DOCK11: variants seen among roughly 807,000 people sequenced by gnomAD.
The protein encoded by DOCK11 is dedicator of cytokinesis protein 11.
DOCK11 carries 70 observed loss-of-function variants against 169.1 expected under a neutral mutation model. The observed-to-expected ratio is 0.41, with a 90% CI of 0.34 to 0.51. The LOEUF (loss-of-function observed/expected upper bound fraction) is 0.51, where lower values mean the gene tolerates loss of function less well. Ranked by LOEUF, DOCK11 falls within the 20% of genes least tolerant of loss-of-function variation. The pLI is 0.10. For missense variants in DOCK11, 1,166 were observed against 1,538.8 expected, an observed-to-expected ratio of 0.76 and a Z score of 4.05; for synonymous variants, 529 against 541.3, an observed-to-expected ratio of 0.98 and a Z score of 0.32.
chrX:118,635,982 C>T (rs905226200), intron 35 of DOCK11, among the ~76,000 whole-genome samples: 1 of 111,363 alleles, frequency 9.0e-6, no homozygotes, highest in Non-Finnish European at 1.9e-5. Flanking sequence ...ATAAACACAC[C>T]ATCTGGCATA....
At position 118,584,813 on chromosome X, in the gene DOCK11, G is replaced by A; in HGVS notation, c.1674G>A (p.Lys558=). 3 of 1,203,243 alleles carry A rather than the reference G, an allele frequency of 2.5e-6. No homozygotes were observed. Among genetic ancestry groups the A allele is most frequent in the African/African-American group, 1.7e-5 (1 of 57,542 alleles). ...CTCTGTATAAACAAGACAGTAGCAA[G>A]CTTTCAAGTGAAGACATTCTCAAGT... is the stretch of plus-strand genomic sequence containing the variant. The part of the protein sequence containing the change: ...FSPLYKQDSS[K]LSSEDILKLL... The change falls in exon 15 of 53, where the codon AAG becomes AAA. Residue 558 remains lysine, a synonymous_variant. Coordinates refer to ENST00000276202, the MANE Select transcript of DOCK11 (RefSeq NM_144658.4).
At chrX:118,513,887 C>T (rs2057665951) in intron 1 of DOCK11, among the ~76,000 whole-genome samples, 2 of 111,440 alleles carry the variant, frequency 1.8e-5, no homozygotes, top group Non-Finnish European at 3.8e-5. Context: ...AGCATCATTC[C>T]AGTTGTTACC....
At chrX:118,660,705 C>T (rs1603173975) in intron 44 of DOCK11, among the ~76,000 whole-genome samples, 1 of 109,735 alleles carries the variant, frequency 9.1e-6, no homozygotes, top group African/African-American at 3.3e-5. Flanking sequence ...CTCCTGACCT[C>T]GTGATCTGCC....
chrX:118,557,974 AC>A (rs1291663735), intron 6 of DOCK11, among the ~76,000 whole-genome samples: 1 of 96,735 alleles, frequency 1.0e-5, no homozygotes, highest in Non-Finnish European at 2.1e-5. Flanking sequence ...GCCTGTGTGA[AC>A]CTTTTTTTTT....
intron 12 of DOCK11, among the ~76,000 whole-genome samples, chrX:118,576,549 G>A (rs767650073): frequency 8.9e-6 from 1 of 111,862 alleles, no homozygotes; most frequent in East Asian, 2.8e-4. Flanking sequence ...AAGTGGAGGT[G>A]GTGACAGTAC....
chrX:118,685,547 T>C (rs987813089), intron 52 of DOCK11, 141 bp from the exon 53 acceptor site: 1 of 772,542 alleles, frequency 1.3e-6, no homozygotes, highest in African/African-American at 2.1e-5. Context: ...GGTAATGTTA[T>C]TCTTTGCTCT....
intron 45 of DOCK11, among the ~76,000 whole-genome samples, chrX:118,669,381 T>C (rs746287653): frequency 7.2e-5 from 8 of 111,823 alleles, no homozygotes; most frequent in Non-Finnish European, 1.3e-4. Flanking sequence ...AGAGACTGGG[T>C]AGGTTATAAA....
intron 1 of DOCK11, among the ~76,000 whole-genome samples, chrX:118,512,189 C>T (rs1183028683): frequency 8.9e-6 from 1 of 112,275 alleles, no homozygotes; most frequent in Admixed American, 9.5e-5. Flanking sequence ...GCGTGAGCCA[C>T]CATGCCCTGC....
chrX:118,614,870 T>C, intron 29 of DOCK11, 95 bp downstream of exon 29: 1 of 667,175 alleles, frequency 1.5e-6, no homozygotes. Context: ...GGAACTGTTG[T>C]TTTTATTTAG....
At position 118,546,210 on chromosome X, in the gene DOCK11, C is replaced by CAA. The variant is rs1556269491; in HGVS notation, c.558+114_558+115dup. 51 of 49,285 alleles carry CAA rather than the reference C, an allele frequency of 1.0e-3. 1 individual carries two copies. The highest frequency in any genetic ancestry group is 3.5e-3 in the African/African-American group (40 of 11,407). 4.1% of individuals were successfully genotyped at this position (49,285 alleles called of 1,213,427 possible). On this transcript the variant is annotated intron_variant, in intron 6 of 52. Transcript: ENST00000276202. ...ATATTTATTTTACAAAGAGCCCTAGCAAAAAAAAAAAAAAAAAAAAAGGAG... is the reference window on the plus strand; with the variant it reads ...ATATTTATTTTACAAAGAGCCCTAGCAAAAAAAAAAAAAAAAAAAAAAAGGAG...
intron 37 of DOCK11, among the ~76,000 whole-genome samples, 186 bp downstream of exon 37, chrX:118,638,313 G>A (rs2015444105): frequency 8.9e-6 from 1 of 112,060 alleles, no homozygotes; most frequent in Non-Finnish European, 1.9e-5. Context: ...GCTTCCCAAG[G>A]AGTGATGATT....
intron 44 of DOCK11, among the ~76,000 whole-genome samples, chrX:118,660,946 G>A (rs138040854): frequency 1.6e-3 from 174 of 110,287 alleles, no homozygotes; most frequent in African/African-American, 4.9e-3. Flanking sequence ...AGTGGCTCAC[G>A]CCTATAATCT....
rs1043901463 is a variant in DOCK11, at chrX:118,609,483, T to A, written c.2949+134T>A. On this transcript the variant is annotated intron_variant, in intron 27 of 52. Coordinates refer to ENST00000276202, the MANE Select transcript of DOCK11 (RefSeq NM_144658.4). ...ATGCCATGCAAATCCCATTTTATATTTAAAGGCTGCTAGTGCTTGGCTTTT... is the reference window on the plus strand; with the variant it reads ...ATGCCATGCAAATCCCATTTTATATATAAAGGCTGCTAGTGCTTGGCTTTT... The A allele has an allele frequency of 5.1e-5, 23 of 450,673 alleles. No homozygotes were observed. The African/African-American group carries it at 5.8e-4, about 11-fold the overall frequency. The allele number at this position is 450,673 out of a possible 1,213,427, so 37.1% of individuals were successfully genotyped here.
At chrX:118,566,914 C>T (rs2013096348) in intron 9 of DOCK11, among the ~76,000 whole-genome samples, 1 of 111,679 alleles carries the variant, frequency 9.0e-6, no homozygotes, top group Non-Finnish European at 1.9e-5. Flanking sequence ...TTAATTTTAT[C>T]TGCTAGTTCT....
chrX:118,628,322 C>A, intron 34 of DOCK11, 50 bp downstream of exon 34: 1 of 890,086 alleles, frequency 1.1e-6, no homozygotes, highest in Non-Finnish European at 1.6e-6. Flanking sequence ...TAGCCTGCAA[C>A]AATTTTTTTA....
At chrX:118,497,630 G>A in intron 1 of DOCK11, among the ~76,000 whole-genome samples, 1 of 111,988 alleles carries the variant, frequency 8.9e-6, no homozygotes, top group Non-Finnish European at 1.9e-5. Context: ...AGTTAAGAGA[G>A]GAAGGCAAGC....
At chrX:118,677,208 A>G (rs1476443486) in intron 48 of DOCK11, among the ~76,000 whole-genome samples, 1 of 112,267 alleles carries the variant, frequency 8.9e-6, no homozygotes, top group Non-Finnish European at 1.9e-5. Context: ...ATTTTATTCT[A>G]AGATATCCTT....
intron 45 of DOCK11, among the ~76,000 whole-genome samples, chrX:118,668,684 C>T (rs778076418): frequency 6.3e-5 from 7 of 110,925 alleles, no homozygotes; most frequent in South Asian, 7.5e-4. Context: ...GTAGATAATA[C>T]GTAAATAATG....
At chrX:118,566,780 A>G in intron 9 of DOCK11, 127 bp downstream of exon 9, 1 of 576,650 alleles carries the variant, frequency 1.7e-6, no homozygotes. Context: ...TTGGTGAAAC[A>G]GGTAGAGATT....
Sources: gnomAD v4.1 joint callset for allele counts (sites outside exome capture counted in the v4.1 genomes callset) on GRCh38, gnomAD v4.1.1 for gene constraint, MANE v1.5 for transcripts, NCBI Gene and HGNC (gene_info 2026-07-23, HGNC 2026-07-21) for gene names.